Variants in TMEM114 observed in about 807,000 individuals in gnomAD.
The protein encoded by TMEM114 is transmembrane protein 114.
In TMEM114, 6 loss-of-function variants were observed where a neutral mutation model predicts 6.2. That is an observed-to-expected ratio of 0.97 (90% CI 0.53 to 1.91). The LOEUF (loss-of-function observed/expected upper bound fraction) is 1.91. Among genes scored for constraint, TMEM114 ranks in the 40% most tolerant of loss-of-function variants. The probability of loss-of-function intolerance (pLI) is 0.01; values close to 1 mark genes in which losing one functional copy is unlikely to be tolerated. For missense variants in TMEM114, 218 were observed against 158.3 expected (o/e 1.38, Z -2.02); for synonymous variants, 104 against 73.0 (o/e 1.42, Z -2.16).
At chr16:8,566,056 A>C (rs1901531703), downstream of TMEM114, among the ~76,000 whole-genome samples, 1 of 152,222 alleles carries the variant, frequency 6.6e-6, no homozygotes, top group African/African-American at 2.4e-5. Context: ...ATGGATTAAA[A>C]TACGGCAGGA....
intron 2 of TMEM114, among the ~76,000 whole-genome samples, chr16:8,577,109 C>T (rs925037698): frequency 5.9e-5 from 9 of 152,228 alleles, no homozygotes; most frequent in Non-Finnish European, 1.0e-4. Flanking sequence ...CAATGAGCTT[C>T]AATTTTCTCA....
At chr16:8,531,558 T>C in the TMEM114 span, among the ~76,000 whole-genome samples, 1 of 152,212 alleles carries the variant, frequency 6.6e-6, no homozygotes, top group Non-Finnish European at 1.5e-5. Flanking sequence ...AAGGGCCTCT[T>C]GCACCCATGC....
Position 8,546,379 on chromosome 16 carries a change from T to C in TMEM114, n.213-8553A>G, listed in dbSNP as rs58109112. On this transcript the variant is annotated intron_variant and non_coding_transcript_variant, in intron 2 of 2. Transcript: ENST00000623677. ...GACTTTCATGTGATCTCTTTAGGTTTACATGTTTACCTGAGACACTGAATG... is the reference window on the plus strand; with the variant it reads ...GACTTTCATGTGATCTCTTTAGGTTCACATGTTTACCTGAGACACTGAATG... 1.1e-4 allele frequency among the ~76,000 whole-genome samples: 17 copies of C among 152,288 alleles called. No homozygotes were observed. In the East Asian group the frequency reaches 3.1e-3, roughly 28 times the overall value.
At chr16:8,577,946 C>T (rs1901998857) in intron 2 of TMEM114, among the ~76,000 whole-genome samples, 1 of 152,140 alleles carries the variant, frequency 6.6e-6, no homozygotes. Context: ...GCCTTTGGGT[C>T]CCCAGTGAGG....
downstream of TMEM114, among the ~76,000 whole-genome samples, chr16:8,536,524 TA>T (rs1165199788): frequency 1.3e-5 from 2 of 152,218 alleles, no homozygotes; most frequent in African/African-American, 2.4e-5. Flanking sequence ...AATTTATTAC[TA>T]AAATCAGCTC....
intron 2 of TMEM114, among the ~76,000 whole-genome samples, chr16:8,547,762 C>A (rs1054404060): frequency 2.6e-5 from 4 of 152,116 alleles, no homozygotes; most frequent in African/African-American, 9.7e-5. Flanking sequence ...CCTTGCGTGG[C>A]CTCTGAGTGA....
intron 2 of TMEM114, among the ~76,000 whole-genome samples, chr16:8,556,190 C>G (rs1377843872): frequency 6.6e-6 from 1 of 152,088 alleles, no homozygotes; most frequent in Non-Finnish European, 1.5e-5. Flanking sequence ...TTCCCGCCAG[C>G]TCTGCCCACA....
chr16:8,562,064 G>T (rs979946669), intron 2 of TMEM114, among the ~76,000 whole-genome samples: 7 of 151,116 alleles, frequency 4.6e-5, no homozygotes, highest in African/African-American at 1.7e-4. Context: ...GAATGAGTGA[G>T]TAAATGAGTG....
rs112384461 is a variant in TMEM114 at position 8,546,708 on chromosome 16, C to G, written n.213-8882G>C. ...CTAACCAGATACCCCTACCAGATCACAGCAGATGACCACTTGTAATTATCC... is the reference window on the plus strand; with the variant it reads ...CTAACCAGATACCCCTACCAGATCAGAGCAGATGACCACTTGTAATTATCC... On this transcript the variant is annotated intron_variant and non_coding_transcript_variant, in intron 2 of 2. Transcript: ENST00000623677. 8.3e-4 allele frequency among the ~76,000 whole-genome samples: 126 copies of G among 152,330 alleles called. 1 individual carries two copies. Among genetic ancestry groups the G allele is most frequent in the African/African-American group, 2.6e-3 (108 of 41,570 alleles).
the TMEM114 span, among the ~76,000 whole-genome samples, chr16:8,526,919 C>T: frequency 6.6e-6 from 1 of 152,188 alleles, no homozygotes; most frequent in African/African-American, 2.4e-5. Flanking sequence ...TGAAAACATG[C>T]TGAGTAGGTG....
chr16:8,553,112 G>C (rs1039035452), intron 2 of TMEM114, among the ~76,000 whole-genome samples: 9 of 152,230 alleles, frequency 5.9e-5, no homozygotes, highest in African/African-American at 2.2e-4. Flanking sequence ...GAAGAGGCCA[G>C]GATGGAGATG....
At chr16:8,571,961 C>G (rs1303866189) in intron 3 of TMEM114, 126 bp downstream of exon 3, 1 of 1,221,538 alleles carries the variant, frequency 8.2e-7, no homozygotes. Context: ...CAACTGATAT[C>G]CCAGAAGGGG....
intron 2 of TMEM114, among the ~76,000 whole-genome samples, chr16:8,553,884 T>C (rs1272179470): frequency 6.6e-6 from 1 of 151,662 alleles, no homozygotes; most frequent in Non-Finnish European, 1.5e-5. Flanking sequence ...TTTTCTTTTT[T>C]TTTTTTTCTT....
intron 2 of TMEM114, among the ~76,000 whole-genome samples, chr16:8,564,087 G>C (rs1185616635): frequency 1.3e-5 from 2 of 150,926 alleles, no homozygotes; most frequent in Admixed American, 6.6e-5. Flanking sequence ...ATGAATGAGT[G>C]AGTGAGTGAA....
chr16:8,564,264 A>AG (rs1437293333), intron 2 of TMEM114, among the ~76,000 whole-genome samples: 821 of 10,460 alleles, frequency 0.078, 21 homozygotes, highest in African/African-American at 0.2. Flanking sequence ...TGAATGAGTG[A>AG]TGAAATAAGT....
chr16:8,565,972 A>G (rs933671418), downstream of TMEM114, among the ~76,000 whole-genome samples: 19 of 152,350 alleles, frequency 1.2e-4, no homozygotes, highest in South Asian at 8.3e-4. Context: ...AGAAAATAGA[A>G]GAGGAGAGGA....
At chr16:8,569,409 G>C (rs540926595), downstream of TMEM114, 22 of 1,064,150 alleles carry the variant, frequency 2.1e-5, no homozygotes, top group Non-Finnish European at 1.9e-5. Context: ...CCCTTTCCCA[G>C]ACCCACCAAG....
At chr16:8,571,930 C>T (rs1901747595) in intron 3 of TMEM114, among the ~76,000 whole-genome samples, 157 bp downstream of exon 3, 1 of 152,114 alleles carries the variant, frequency 6.6e-6, no homozygotes, top group Non-Finnish European at 1.5e-5. Flanking sequence ...TGATTCTGGG[C>T]TGGAAACCAC....
Position 8,564,059 on chromosome 16 carries a change from AAATGAGTGAGTGAGTGCATG to A in TMEM114, n.212+25134_212+25153del, listed in dbSNP as rs1471442091. On this transcript the variant is annotated intron_variant and non_coding_transcript_variant, in intron 2 of 2. Transcript: ENST00000623677. ...TGACTGAATGAGTGAGTGAATGAGT[AAATGAGTGAGTGAGTGCATG>A]AATGAGTGAGTGAGTGAATGAGTGA... Among the ~76,000 whole-genome samples, 643 of 147,740 alleles carry A rather than the reference AAATGAGTGAGTGAGTGCATG, an allele frequency of 4.4e-3. 24 individuals are homozygous for A. The highest frequency in any genetic ancestry group is 9.2e-3 in the African/African-American group (361 of 39,064).
Sources: allele counts gnomAD v4.1 joint callset (sites outside exome capture counted in the v4.1 genomes callset), GRCh38; gene constraint gnomAD v4.1.1; transcripts MANE v1.5; gene names NCBI Gene and HGNC (gene_info 2026-07-23, HGNC 2026-07-21).